PCDHA12: variants seen among roughly 807,000 people sequenced by gnomAD.
The protein encoded by PCDHA12 is protocadherin alpha 12, also known as protocadherin alpha-12.
A neutral mutation model predicts 60.0 loss-of-function variants in PCDHA12; 44 were observed. That is an observed-to-expected ratio of 0.73 (90% CI 0.58 to 0.94). The LOEUF (loss-of-function observed/expected upper bound fraction) is 0.94, where lower values mean the gene tolerates loss of function less well. Ranked by LOEUF, PCDHA12 falls within the 40% of genes least tolerant of loss-of-function variation. The pLI is 0.00. For missense variants in PCDHA12, 1,276 were observed against 1,239.7 expected, an observed-to-expected ratio of 1.03 and a Z score of -0.44; for synonymous variants, 569 against 553.0, an observed-to-expected ratio of 1.03 and a Z score of -0.40.
chr5:140,987,453 A>C (rs2097255093), intron 3 of PCDHA12, among the ~76,000 whole-genome samples: 1 of 152,106 alleles, frequency 6.6e-6, no homozygotes, highest in South Asian at 2.1e-4. Context: ...CCGAGAGATA[A>C]TTGTTAAGAG....
intron 1 of PCDHA12, chr5:140,926,518 C>T (rs1584446348): frequency 4.9e-6 from 1 of 202,636 alleles, no homozygotes; most frequent in Non-Finnish European, 9.8e-6. Context: ...CAGGCTCCGC[C>T]CTGCGCCCGC....
At chr5:140,941,570 C>T (rs892912533) in intron 1 of PCDHA12, among the ~76,000 whole-genome samples, 17 of 152,046 alleles carry the variant, frequency 1.1e-4, no homozygotes, top group African/African-American at 4.1e-4. Context: ...TCGCCTCAGC[C>T]TCCCAAAGTG....
intron 1 of PCDHA12, among the ~76,000 whole-genome samples, chr5:140,909,861 A>C (rs782745985): frequency 6.6e-6 from 1 of 152,186 alleles, no homozygotes. Context: ...GGTCCCCTGG[A>C]GTCAACGTCA....
chr5:140,908,844 C>G (rs533219921), intron 1 of PCDHA12, among the ~76,000 whole-genome samples: 1 of 152,156 alleles, frequency 6.6e-6, no homozygotes, highest in Non-Finnish European at 1.5e-5. Flanking sequence ...GCTGGAGTAA[C>G]ATACCCAAAT....
At chr5:140,886,923 A>G (rs2061226884) in intron 1 of PCDHA12, among the ~76,000 whole-genome samples, 1 of 151,812 alleles carries the variant, frequency 6.6e-6, no homozygotes, top group Non-Finnish European at 1.5e-5. Context: ...AGTGTTCTCT[A>G]TGTGCCAGGC....
chr5:140,887,391 C>T lies in PCDHA12; in HGVS notation c.2367+9552C>T, dbSNP rs181873563. ...GATTACAGGTGTGAGCCACCGCGCC[C>T]GGCTCTTTATCTCATTTTTATTTTT... On this transcript the variant is annotated intron_variant, in intron 1 of 3. Coordinates refer to ENST00000398631, the MANE Select transcript of PCDHA12 (RefSeq NM_018903.4). Among the ~76,000 whole-genome samples, 23 of 152,222 alleles carry T rather than the reference C, an allele frequency of 1.5e-4. 1 individual carries two copies. Among genetic ancestry groups the T allele is most frequent in the African/African-American group, 4.8e-4 (20 of 41,540 alleles).
intron 3 of PCDHA12, among the ~76,000 whole-genome samples, chr5:140,985,692 C>T (rs1208331191): frequency 6.6e-6 from 1 of 151,060 alleles, no homozygotes; most frequent in Non-Finnish European, 1.5e-5. Flanking sequence ...CGCTAATCCT[C>T]GTTCATATGT....
At chr5:140,905,802 C>T (rs1043410620) in intron 1 of PCDHA12, among the ~76,000 whole-genome samples, 11 of 152,152 alleles carry the variant, frequency 7.2e-5, no homozygotes, top group African/African-American at 2.7e-4. Flanking sequence ...TCTAGAGGGA[C>T]AGAATTAATA....
At chr5:140,938,684 A>T (rs1554212293) in intron 1 of PCDHA12, among the ~76,000 whole-genome samples, 1 of 152,046 alleles carries the variant, frequency 6.6e-6, no homozygotes, top group African/African-American at 2.4e-5. Flanking sequence ...CATTTTCTTT[A>T]CAGTTTTTAA....
intron 3 of PCDHA12, among the ~76,000 whole-genome samples, chr5:140,998,721 C>A (rs987484967): frequency 4.6e-5 from 7 of 152,084 alleles, no homozygotes; most frequent in Admixed American, 4.6e-4. Flanking sequence ...TGCACCACCA[C>A]GCTAGGCTAA....
At chr5:140,934,100 T>C (rs554832439) in intron 1 of PCDHA12, among the ~76,000 whole-genome samples, 3 of 152,280 alleles carry the variant, frequency 2.0e-5, no homozygotes, top group Non-Finnish European at 4.4e-5. Context: ...GTTTGCTTTC[T>C]ATTTTATTAA....
chr5:140,975,016 G>T (rs782435284), intron 1 of PCDHA12, among the ~76,000 whole-genome samples: 6 of 152,128 alleles, frequency 3.9e-5, no homozygotes, highest in Non-Finnish European at 8.8e-5. Context: ...AACACAGCTG[G>T]GCTGTGTTGT....
intron 1 of PCDHA12, among the ~76,000 whole-genome samples, chr5:140,954,172 T>C (rs1297030972): frequency 6.6e-6 from 1 of 152,246 alleles, no homozygotes; most frequent in Non-Finnish European, 1.5e-5. Flanking sequence ...ATTTTCTTTA[T>C]CCAGTCTATC....
intron 1 of PCDHA12, among the ~76,000 whole-genome samples, chr5:140,945,169 AAAAT>A (rs1302154201): frequency 2.0e-5 from 3 of 152,164 alleles, no homozygotes; most frequent in Non-Finnish European, 4.4e-5. Context: ...AACTATCTGA[AAAAT>A]AAATCAAGAA....
chr5:140,969,404 G>A (rs1345885868), intron 1 of PCDHA12: 2 of 1,577,250 alleles, frequency 1.3e-6, no homozygotes, highest in Admixed American at 1.9e-5. Context: ...CTGTGATTTG[G>A]CTTTATTGAG....
At chr5:140,890,245 A>G (rs2062563165) in intron 1 of PCDHA12, among the ~76,000 whole-genome samples, 1 of 152,146 alleles carries the variant, frequency 6.6e-6, no homozygotes, top group Admixed American at 6.5e-5. Context: ...TTACCAGTAC[A>G]CTACTGCACC....
At chr5:140,892,111 A>G (rs918433393) in intron 1 of PCDHA12, among the ~76,000 whole-genome samples, 3 of 152,206 alleles carry the variant, frequency 2.0e-5, no homozygotes, top group Admixed American at 2.0e-4. Context: ...CTTGGCATTT[A>G]TATCTGGAAC....
chr5:140,935,734 C>G (rs1290620794), intron 1 of PCDHA12, among the ~76,000 whole-genome samples: 1 of 152,032 alleles, frequency 6.6e-6, no homozygotes, highest in East Asian at 1.9e-4. Flanking sequence ...AGTCTAGTAT[C>G]TATTATTCCA....
chr5:140,991,191 A>G (rs1316296536), intron 3 of PCDHA12, among the ~76,000 whole-genome samples: 2 of 152,218 alleles, frequency 1.3e-5, no homozygotes, highest in South Asian at 2.1e-4. Flanking sequence ...CTAGCACACA[A>G]TGATGCTCAA....
Sources: gnomAD v4.1 joint callset for allele counts (sites outside exome capture counted in the v4.1 genomes callset) on GRCh38, gnomAD v4.1.1 for gene constraint, MANE v1.5 for transcripts, NCBI Gene and HGNC (gene_info 2026-07-23, HGNC 2026-07-21) for gene names.